The following MID1 variants were observed in gnomAD, a reference collection of about 807,000 sequenced individuals.
MID1 encodes E3 ubiquitin-protein ligase Midline-1.
Under a neutral mutation model 40.4 loss-of-function variants are expected in MID1, and 7 were observed. The observed-to-expected ratio is 0.17, with a 90% CI of 0.10 to 0.33. The LOEUF (loss-of-function observed/expected upper bound fraction) is 0.33, where lower values mean the gene tolerates loss of function less well. Among genes scored for constraint, MID1 ranks in the 10% least tolerant of loss-of-function variants. The probability of loss-of-function intolerance (pLI) is 1.00; values close to 1 mark genes in which losing one functional copy is unlikely to be tolerated. For synonymous variants in MID1, 229 were observed against 221.2 expected (o/e 1.04, Z -0.31); for missense variants, 367 against 558.5 (o/e 0.66, Z 3.46).
chrX:10,569,891 C>G (rs1468006798), intron 1 of MID1, among the ~76,000 whole-genome samples: 1 of 111,782 alleles, frequency 8.9e-6, no homozygotes, highest in Non-Finnish European at 1.9e-5. Flanking sequence ...TCTCTATTAT[C>G]ATGGGCCAAG....
chrX:10,476,997 C>A (rs1930050448), intron 5 of MID1, among the ~76,000 whole-genome samples: 1 of 112,502 alleles, frequency 8.9e-6, no homozygotes, highest in African/African-American at 3.2e-5. Flanking sequence ...TTATGAAGCC[C>A]TTAAACTATG....
intron 1 of MID1, among the ~76,000 whole-genome samples, chrX:10,669,124 C>T (rs189769072): frequency 0.12 from 12,579 of 103,240 alleles, 1,494 homozygotes; most frequent in African/African-American, 0.36. Context: ...GAGGCTGAGG[C>T]AGGAGAATGG....
intron 3 of MID1, among the ~76,000 whole-genome samples, chrX:10,512,639 C>T (rs1932214762): frequency 8.9e-6 from 1 of 111,928 alleles, no homozygotes; most frequent in Non-Finnish European, 1.9e-5. Context: ...CAATAATGCT[C>T]CCCTTCCAAC....
chrX:10,565,551 G>GC (rs966297238), intron 2 of MID1: 1 of 328,584 alleles, frequency 3.0e-6, no homozygotes, highest in Non-Finnish European at 5.9e-6. Flanking sequence ...CATTTTGTTT[G>GC]CTCAACAACA....
intron 1 of MID1, among the ~76,000 whole-genome samples, chrX:10,806,403 A>G: frequency 8.9e-6 from 1 of 111,828 alleles, no homozygotes; most frequent in Non-Finnish European, 1.9e-5. Context: ...AAACTGATCT[A>G]TATTCTCTGG....
intron 7 of MID1, among the ~76,000 whole-genome samples, chrX:10,462,239 A>G (rs1257823820): frequency 1.8e-5 from 2 of 112,210 alleles, no homozygotes; most frequent in African/African-American, 6.5e-5. Context: ...CCTTTATGTT[A>G]TTATTATTGC....
chrX:10,453,544 A>G (rs1429181446), intron 9 of MID1, among the ~76,000 whole-genome samples: 1 of 111,916 alleles, frequency 8.9e-6, no homozygotes, highest in Non-Finnish European at 1.9e-5. Context: ...GCAGCATACC[A>G]TGGTGGTTAA....
intron 1 of MID1, among the ~76,000 whole-genome samples, chrX:10,687,416 T>C (rs1053802404): frequency 8.9e-6 from 1 of 112,014 alleles, no homozygotes; most frequent in African/African-American, 3.2e-5. Context: ...GACTGCCAAA[T>C]GCCTGGCTTC....
In MID1 at chrX:10,732,309, TA is replaced by T. The variant is rs771486956; in HGVS notation, c.-187+101244del. Among the ~76,000 whole-genome samples the T allele has an allele frequency of 7.4e-4, 83 of 112,179 alleles. 2 individuals carry two copies. In the Admixed American group the frequency reaches 7.7e-3, roughly 10 times the overall value. ...TTTATATGAAAAATTCTAAGGCATC[TA>T]CTAAATAATTACACTATTAATGACA... On this transcript the variant is annotated intron_variant, in intron 1 of 10. Coordinates refer to the MID1 transcript ENST00000380785.
chrX:10,532,317 C>G (rs1171107082), intron 2 of MID1, among the ~76,000 whole-genome samples: 1 of 111,710 alleles, frequency 9.0e-6, no homozygotes, highest in Non-Finnish European at 1.9e-5. Flanking sequence ...ATAGTGAGAC[C>G]CCCATCTCTA....
chrX:10,630,678 C>G (rs1569132866), intron 1 of MID1, among the ~76,000 whole-genome samples: 4 of 110,467 alleles, frequency 3.6e-5, no homozygotes, highest in African/African-American at 6.6e-5. Context: ...TAACAATATC[C>G]AATTGATATT....
chrX:10,492,673 T>C (rs184605748), intron 4 of MID1, among the ~76,000 whole-genome samples: 4 of 112,038 alleles, frequency 3.6e-5, no homozygotes, highest in African/African-American at 6.5e-5. Flanking sequence ...CTTCAAGAAC[T>C]ATTTATCCAC....
chrX:10,832,942 C>T (rs750728573), intron 1 of MID1, among the ~76,000 whole-genome samples: 27 of 112,371 alleles, frequency 2.4e-4, no homozygotes, highest in Non-Finnish European at 4.1e-4. Flanking sequence ...CCGTTCTCGC[C>T]ATATATATAA....
intron 3 of MID1, among the ~76,000 whole-genome samples, chrX:10,508,101 G>A (rs1426390833): frequency 8.9e-6 from 1 of 112,366 alleles, no homozygotes; most frequent in Non-Finnish European, 1.9e-5. Context: ...CCCACAATGT[G>A]CAAAGCACCA....
intron 1 of MID1, among the ~76,000 whole-genome samples, chrX:10,721,674 A>G (rs2043355727): frequency 9.1e-6 from 1 of 109,620 alleles, no homozygotes; most frequent in Non-Finnish European, 1.9e-5. Context: ...AAATGATGCT[A>G]GCAAAAACCA....
At chrX:10,545,616 GA>G (rs1433645497) in intron 2 of MID1, among the ~76,000 whole-genome samples, 1 of 111,800 alleles carries the variant, frequency 8.9e-6, no homozygotes, top group Non-Finnish European at 1.9e-5. Context: ...CAAAAAGGAT[GA>G]AAGAAAAAAT....
At chrX:10,707,722 T>G (rs749098304) in intron 1 of MID1, among the ~76,000 whole-genome samples, 1 of 112,517 alleles carries the variant, frequency 8.9e-6, no homozygotes, top group African/African-American at 3.2e-5. Flanking sequence ...GCAGACATGA[T>G]GTAGTCAATC....
intron 1 of MID1, among the ~76,000 whole-genome samples, chrX:10,572,819 T>C (rs1382234600): frequency 8.9e-6 from 1 of 111,826 alleles, no homozygotes; most frequent in Non-Finnish European, 1.9e-5. Context: ...TGGCAACAAA[T>C]CACAGCTCAC....
At chrX:10,457,534 T>G (rs773736199) in intron 8 of MID1, among the ~76,000 whole-genome samples, 2 of 112,505 alleles carry the variant, frequency 1.8e-5, no homozygotes, top group Non-Finnish European at 3.8e-5. Flanking sequence ...TTTACTTACA[T>G]GGACAACTCT....
Sources: allele counts gnomAD v4.1 joint callset (sites outside exome capture counted in the v4.1 genomes callset), GRCh38; gene constraint gnomAD v4.1.1; transcripts MANE v1.5; gene names NCBI Gene and HGNC (gene_info 2026-07-23, HGNC 2026-07-21).